The following NFILZ variants were observed in gnomAD, a reference collection of about 807,000 sequenced individuals.
NFILZ encodes NFIL3 like basic leucine zipper, also known as NFIL3 like protein.
At chr19:8,645,300 ATTTTTT>A (rs35280185) in intron 3 of NFILZ, among the ~76,000 whole-genome samples, 37 of 118,082 alleles carry the variant, frequency 3.1e-4, no homozygotes, top group African/African-American at 1.1e-3. Flanking sequence ...CACCTGGGTG[ATTTTTT>A]TTTTTTTTTT....
chr19:8,634,915 AAAC>A (rs2042888039), intron 2 of NFILZ, among the ~76,000 whole-genome samples: 1 of 151,484 alleles, frequency 6.6e-6, no homozygotes, highest in Non-Finnish European at 1.5e-5. Context: ...AAAAACAAAA[AAAC>A]CAGTGTAATT....
intron 2 of NFILZ, among the ~76,000 whole-genome samples, chr19:8,634,974 T>G (rs951534650): frequency 1.3e-5 from 2 of 152,070 alleles, no homozygotes; most frequent in Admixed American, 6.6e-5. Context: ...TTCTGTGATA[T>G]TTGACAAACC....
At chr19:8,664,109 C>T (rs2043050499) in intron 3 of NFILZ, among the ~76,000 whole-genome samples, 1 of 152,092 alleles carries the variant, frequency 6.6e-6, no homozygotes, top group Non-Finnish European at 1.5e-5. Flanking sequence ...GCATAACAGC[C>T]CTGACGTCAC....
At position 8,678,938 on chromosome 19, in the gene NFILZ, C is replaced by T. The variant is rs550483935; in HGVS notation, c.*1303C>T. On this transcript the variant is annotated 3_prime_UTR_variant, in exon 6 of 6. Transcript: ENST00000691075. ...GAATGGGTGTTTGGGAAGAAACATA[C>T]TGAAGACCAGACTGAAGGAGGAGGT... is the stretch of plus-strand genomic sequence containing the variant. Among the ~76,000 whole-genome samples, 61 of 152,270 alleles carry T rather than the reference C, an allele frequency of 4.0e-4. No homozygotes were observed. The highest frequency in any genetic ancestry group is 6.9e-4 in the Non-Finnish European group (47 of 68,006).
intron 3 of NFILZ, among the ~76,000 whole-genome samples, chr19:8,647,530 C>T (rs1555747184): frequency 6.6e-6 from 1 of 151,824 alleles, no homozygotes; most frequent in Non-Finnish European, 1.5e-5. Flanking sequence ...CGAGATCGCA[C>T]CACTGCACTC....
chr19:8,667,632 C>T (rs1600153752), intron 3 of NFILZ, among the ~76,000 whole-genome samples: 1 of 152,270 alleles, frequency 6.6e-6, no homozygotes. Flanking sequence ...ACTGCAACCT[C>T]CGCCTCTCGG....
At chr19:8,637,041 T>A (rs557315832) in intron 3 of NFILZ, among the ~76,000 whole-genome samples, 1 of 152,156 alleles carries the variant, frequency 6.6e-6, no homozygotes, top group Admixed American at 6.5e-5. Context: ...GAGGCCAGAA[T>A]CTTCATTCTA....
intron 3 of NFILZ, among the ~76,000 whole-genome samples, chr19:8,652,586 A>C (rs2042969021): frequency 6.6e-6 from 1 of 152,270 alleles, no homozygotes; most frequent in African/African-American, 2.4e-5. Context: ...GCAAGAAAAT[A>C]AAATGTTACA....
At chr19:8,633,378 T>C (rs573160398) in intron 2 of NFILZ, among the ~76,000 whole-genome samples, 82 of 152,218 alleles carry the variant, frequency 5.4e-4, no homozygotes, top group African/African-American at 1.9e-3. Flanking sequence ...CTCCCTGAAA[T>C]CTTTCTTGCG....
chr19:8,646,413 A>G (rs1177640858), intron 3 of NFILZ, among the ~76,000 whole-genome samples: 1 of 152,182 alleles, frequency 6.6e-6, no homozygotes, highest in Non-Finnish European at 1.5e-5. Context: ...AATTTGTCCA[A>G]GGCCACACAG....
chr19:8,638,290 T>C (rs2042904033), intron 3 of NFILZ, among the ~76,000 whole-genome samples: 1 of 152,152 alleles, frequency 6.6e-6, no homozygotes, highest in Non-Finnish European at 1.5e-5. Context: ...AATTTACACG[T>C]GCGTTCATGA....
At chr19:8,658,009 G>T (rs1047866431) in intron 3 of NFILZ, among the ~76,000 whole-genome samples, 1 of 152,172 alleles carries the variant, frequency 6.6e-6, no homozygotes, top group Non-Finnish European at 1.5e-5. Context: ...GGCGAGGGGG[G>T]AACAGAGAGG....
In NFILZ at chr19:8,639,575, A is replaced by C. The variant is rs2042910004; in HGVS notation, c.-164+3829A>C. 6.6e-5 allele frequency among the ~76,000 whole-genome samples: 10 copies of C among 151,258 alleles called. No homozygotes were observed. In the Admixed American group the frequency reaches 6.6e-4, roughly 10 times the overall value. On this transcript the variant is annotated intron_variant, in intron 3 of 5. Coordinates refer to ENST00000691075, the MANE Select transcript of NFILZ (RefSeq NM_001378600.1). ...CACAGCAATACAGCCTGGGTCACAG[A>C]GCCAGACCATCTCTTAAGAAAATTA...
intron 3 of NFILZ, among the ~76,000 whole-genome samples, chr19:8,647,581 C>G (rs868967075): frequency 1.0e-4 from 15 of 148,356 alleles, no homozygotes; most frequent in Middle Eastern, 3.5e-3. Context: ...CCCGCACCCC[C>G]CCCCCCAAAA....
chr19:8,668,801 G>A (rs1261518449), intron 3 of NFILZ, among the ~76,000 whole-genome samples: 4 of 152,148 alleles, frequency 2.6e-5, no homozygotes, highest in African/African-American at 9.7e-5. Context: ...GGAATGGGGA[G>A]GTTTTGGTGT....
At chr19:8,667,970 T>C (rs1555749972) in intron 3 of NFILZ, among the ~76,000 whole-genome samples, 1 of 152,196 alleles carries the variant, frequency 6.6e-6, no homozygotes, top group African/African-American at 2.4e-5. Context: ...ATTTATTTTT[T>C]GAGACAGAGT....
chr19:8,641,194 C>T (rs1555746623), intron 3 of NFILZ, among the ~76,000 whole-genome samples: 1 of 152,034 alleles, frequency 6.6e-6, no homozygotes, highest in Admixed American at 6.5e-5. Context: ...GGACTACTGG[C>T]ATGCACCACC....
At chr19:8,638,351 G>A (rs1555746311) in intron 3 of NFILZ, 1 of 152,240 alleles carries the variant, frequency 6.6e-6, no homozygotes. Flanking sequence ...GCAAAGGGAT[G>A]TGCCTGGGGG....
In NFILZ at chr19:8,674,530, CTTT is replaced by C. The variant is rs34710911; in HGVS notation, c.-163-7_-163-5del. ...AGAGCCTCTAAGTCACAAAACTAAA[CTTT>C]TTTTTTTTTTTTTGCAGGATTTCTC... On this transcript the variant is annotated intron_variant, in intron 3 of 5. Transcript: ENST00000691075. Among the ~76,000 whole-genome samples the C allele has an allele frequency of 1.4e-5, 2 of 140,810 alleles. No individual in the cohort carries two copies. 92.4% of individuals were successfully genotyped at this position (140,810 alleles called of 152,430 possible). A position where few individuals can be genotyped will look rare whatever the true frequency, so the allele number is the denominator to read the frequency against.
Sources: gnomAD v4.1 joint callset for allele counts (sites outside exome capture counted in the v4.1 genomes callset) on GRCh38, gnomAD v4.1.1 for gene constraint, MANE v1.5 for transcripts, NCBI Gene and HGNC (gene_info 2026-07-23, HGNC 2026-07-21) for gene names.